Variants in GSTCD observed in about 807,000 individuals in gnomAD.
GSTCD encodes the protein glutathione S-transferase C-terminal domain containing, also known as glutathione S-transferase C-terminal domain-containing protein.
Under a neutral mutation model 68.3 loss-of-function variants are expected in GSTCD, and 44 were observed. The ratio of observed to expected loss-of-function variants is 0.64; its 90% CI spans 0.51 to 0.83. GSTCD has a LOEUF of 0.83. Ranked by LOEUF, GSTCD falls within the 40% of genes least tolerant of loss-of-function variation. The pLI is 0.00. For missense variants in GSTCD, 739 were observed against 735.9 expected, an observed-to-expected ratio of 1.00 and a Z score of -0.05; for synonymous variants, 273 against 255.2, an observed-to-expected ratio of 1.07 and a Z score of -0.67.
chr4:105,829,187 TAAA>T (rs761947774), intron 8 of GSTCD, among the ~76,000 whole-genome samples: 9 of 114,942 alleles, frequency 7.8e-5, no homozygotes, highest in Admixed American at 1.8e-4. Flanking sequence ...CAGCTATAAT[TAAA>T]AAAAAAAAAA....
At chr4:105,741,022 G>A (rs908729656) in intron 5 of GSTCD, among the ~76,000 whole-genome samples, 1 of 151,988 alleles carries the variant, frequency 6.6e-6, no homozygotes, top group Non-Finnish European at 1.5e-5. Context: ...TTTTTAGATA[G>A]AGAATTCTTT....
At chr4:105,801,108 C>T (rs1158389776) in intron 5 of GSTCD, among the ~76,000 whole-genome samples, 1 of 151,982 alleles carries the variant, frequency 6.6e-6, no homozygotes, top group Non-Finnish European at 1.5e-5. Flanking sequence ...ACTAAATGGA[C>T]CATGAGAAGG....
chr4:105,775,695 A>T (rs992808490), intron 5 of GSTCD, among the ~76,000 whole-genome samples: 8 of 152,196 alleles, frequency 5.3e-5, no homozygotes, highest in African/African-American at 1.9e-4. Context: ...AACAGCAAAG[A>T]TTGCTGCCTG....
chr4:105,782,413 G>A (rs1735309700), intron 5 of GSTCD, among the ~76,000 whole-genome samples: 1 of 152,066 alleles, frequency 6.6e-6, no homozygotes, highest in Non-Finnish European at 1.5e-5. Context: ...GATCTGTTGA[G>A]CCCAAGAGGT....
chr4:105,755,660 G>A (rs1266030415), intron 5 of GSTCD, among the ~76,000 whole-genome samples: 1 of 152,068 alleles, frequency 6.6e-6, no homozygotes, highest in Non-Finnish European at 1.5e-5. Flanking sequence ...ACCAGGCTAG[G>A]TTGTGACATG....
In GSTCD at chr4:105,718,058, T is replaced by C; in HGVS notation, c.426+19T>C. ...TGCTGAAGTAAGTATAATGTCTTTT[T>C]TCTGTTATTTGAAGCTACACAGTGA... On this transcript the variant is annotated intron_variant, in intron 2 of 11. Coordinates refer to ENST00000515279, the MANE Select transcript of GSTCD (RefSeq NM_001370181.1). The C allele has an allele frequency of 6.4e-7, 1 of 1,554,320 alleles. No homozygotes were observed.
intron 3 of GSTCD, among the ~76,000 whole-genome samples, chr4:105,723,205 ACC>A (rs1412749513): frequency 1.4e-4 from 21 of 151,946 alleles, no homozygotes; most frequent in African/African-American, 4.6e-4. Context: ...TTCCCTTAGC[ACC>A]TAATCTATTT....
intron 5 of GSTCD, among the ~76,000 whole-genome samples, chr4:105,794,566 C>G (rs1030842298): frequency 1.6e-4 from 25 of 151,602 alleles, no homozygotes; most frequent in Admixed American, 2.6e-4. Context: ...TTATTATGAA[C>G]CTAAAACTGC....
chr4:105,765,443 C>G (rs1336257716), intron 5 of GSTCD, among the ~76,000 whole-genome samples: 1 of 151,874 alleles, frequency 6.6e-6, no homozygotes, highest in East Asian at 1.9e-4. Context: ...AAAGTGTAAC[C>G]CTTCATTTAG....
At chr4:105,800,937 C>T (rs889698772) in intron 5 of GSTCD, among the ~76,000 whole-genome samples, 1 of 152,040 alleles carries the variant, frequency 6.6e-6, no homozygotes, top group East Asian at 1.9e-4. Context: ...GCCAACAGCA[C>T]CATAATGCAT....
chr4:105,830,822 G>A (rs191264344), intron 8 of GSTCD, among the ~76,000 whole-genome samples: 183 of 151,968 alleles, frequency 1.2e-3, no homozygotes, highest in African/African-American at 4.1e-3. Flanking sequence ...CACTTCCCTC[G>A]GCAGTGAACA....
chr4:105,749,609 C>CA (rs796071636), intron 5 of GSTCD, among the ~76,000 whole-genome samples: 8,076 of 113,588 alleles, frequency 0.071, 249 homozygotes, highest in Middle Eastern at 0.19. Flanking sequence ...CATCCATAGG[C>CA]AAAAAAAAAA....
intron 5 of GSTCD, among the ~76,000 whole-genome samples, chr4:105,730,366 A>C (rs1008801466): frequency 2.6e-5 from 4 of 152,210 alleles, no homozygotes; most frequent in Non-Finnish European, 5.9e-5. Context: ...CCAACAGTGT[A>C]AAAGTGTTCC....
intron 5 of GSTCD, among the ~76,000 whole-genome samples, chr4:105,818,660 T>C (rs1009633525): frequency 6.6e-6 from 1 of 151,792 alleles, no homozygotes; most frequent in Non-Finnish European, 1.5e-5. Context: ...TTTAGTAATA[T>C]ACTGAGGAAA....
At chr4:105,839,472 T>C (rs1253776633) in intron 10 of GSTCD, among the ~76,000 whole-genome samples, 1 of 152,154 alleles carries the variant, frequency 6.6e-6, no homozygotes, top group Non-Finnish European at 1.5e-5. Flanking sequence ...CTGTTTCTAC[T>C]AAAAATACAA....
At chr4:105,842,155 G>C (rs749392355) in intron 11 of GSTCD, 21 bp downstream of exon 11, 2 of 1,596,192 alleles carry the variant, frequency 1.3e-6, no homozygotes, top group Non-Finnish European at 8.6e-7. Flanking sequence ...TCACAGAGCA[G>C]CTGTTGAGTG....
chr4:105,755,383 A>T (rs944002546), intron 5 of GSTCD, among the ~76,000 whole-genome samples: 1 of 152,090 alleles, frequency 6.6e-6, no homozygotes, highest in Admixed American at 6.5e-5. Context: ...TCTCAGGCTT[A>T]AGAGCCAGAG....
intron 5 of GSTCD, among the ~76,000 whole-genome samples, chr4:105,738,956 A>G (rs546599701): frequency 6.6e-6 from 1 of 152,298 alleles, no homozygotes; most frequent in African/African-American, 2.4e-5. Context: ...CCCATTCAGT[A>G]TGATGTTAGC....
intron 5 of GSTCD, among the ~76,000 whole-genome samples, chr4:105,738,798 CT>C (rs1733541824): frequency 6.6e-6 from 1 of 152,156 alleles, no homozygotes; most frequent in Non-Finnish European, 1.5e-5. Context: ...GACAATTTGA[CT>C]TCTTCCTTGC....
Sources: gnomAD v4.1 joint callset for allele counts (sites outside exome capture counted in the v4.1 genomes callset) on GRCh38, gnomAD v4.1.1 for gene constraint, MANE v1.5 for transcripts, NCBI Gene and HGNC (gene_info 2026-07-23, HGNC 2026-07-21) for gene names.